Variants in PPM1K observed in about 807,000 individuals in gnomAD.
The protein encoded by PPM1K is protein phosphatase Mn(2+)-dependent 1K.
PPM1K carries 19 observed loss-of-function variants against 32.6 expected under a neutral mutation model. The ratio of observed to expected loss-of-function variants is 0.58; its 90% confidence interval spans 0.41 to 0.86. PPM1K has a LOEUF of 0.86. PPM1K is among the 40% of genes least tolerant of loss of function. PPM1K has a pLI of 0.00. For synonymous variants in PPM1K, 159 were observed against 165.3 expected (o/e 0.96, Z 0.29); for missense variants, 362 against 461.2 (o/e 0.78, Z 1.97).
chr4:88,273,958 C>T (rs1731665577), intron 3 of PPM1K, among the ~76,000 whole-genome samples: 1 of 152,166 alleles, frequency 6.6e-6, no homozygotes, highest in Non-Finnish European at 1.5e-5. Context: ...TCAGACACTG[C>T]CTCCTCAAGT....
Position 88,269,020 on chromosome 4 carries a change from T to C in PPM1K, c.542-114A>G, listed in dbSNP as rs567589899. On this transcript the variant is annotated intron_variant, in intron 3 of 6. Transcript: ENST00000608933. Reference sequence around the variant, plus strand: ...GATAAACTAATGCTGGAATATATCATTCTAATTTAACTAGAGCTAAGCAAA... The same window carrying C: ...GATAAACTAATGCTGGAATATATCACTCTAATTTAACTAGAGCTAAGCAAA... The C allele has an allele frequency of 7.1e-5, 63 of 888,236 alleles. 1 individual carries two copies. The South Asian group carries it at 1.1e-3, about 15-fold the overall frequency. The allele number at this position is 888,236 out of a possible 1,614,324, so 55.0% of individuals were successfully genotyped here.
chr4:88,275,496 G>T, intron 3 of PPM1K: 1 of 985,234 alleles, frequency 1.0e-6, no homozygotes, highest in Non-Finnish European at 1.2e-6. Flanking sequence ...GTCAATCACC[G>T]ATTGGTTTAA....
At chr4:88,263,451 TTTA>T (rs1164525187) in intron 6 of PPM1K, among the ~76,000 whole-genome samples, 1 of 152,174 alleles carries the variant, frequency 6.6e-6, no homozygotes, top group Non-Finnish European at 1.5e-5. Context: ...ATTTTATTTA[TTTA>T]TTGAGACAGG....
intron 3 of PPM1K, among the ~76,000 whole-genome samples, chr4:88,269,236 G>T (rs1178532370): frequency 1.3e-5 from 2 of 152,170 alleles, no homozygotes; most frequent in African/African-American, 2.4e-5. Context: ...TGGATATCTG[G>T]TGTCCAGACT....
rs564157074 is a variant in PPM1K, at chr4:88,282,138, G to A, written c.-60+2268C>T. Among the ~76,000 whole-genome samples the A allele has an allele frequency of 5.9e-5, 9 of 152,256 alleles. No individual in the cohort carries two copies. The South Asian group carries it at 1.9e-3, about 32-fold the overall frequency. Reference sequence around the variant, plus strand: ...TTTTTAAGTAAGCAGGGGAGATTTAGGTCAATTTTTTGATCGGAAAACATG... The same window carrying A: ...TTTTTAAGTAAGCAGGGGAGATTTAAGTCAATTTTTTGATCGGAAAACATG... On this transcript the variant is annotated intron_variant, in intron 1 of 6. Transcript: ENST00000608933.
At position 88,268,735 on chromosome 4, in the gene PPM1K, T is replaced by C. The variant is rs1459081598; in HGVS notation, c.707+6A>G. 3 of 1,612,782 alleles carry C rather than the reference T, an allele frequency of 1.9e-6. No homozygotes were observed. Among genetic ancestry groups the C allele is most frequent in the African/African-American group, 1.3e-5 (1 of 74,870 alleles). ...GAATGATATGATGGATCAGTGGTGG[T>C]AGTACCTTTCTTTTTCATCTTTTCT... On this transcript the variant is annotated splice_donor_region_variant and intron_variant, in intron 4 of 6. Coordinates refer to ENST00000608933, the MANE Select transcript of PPM1K (RefSeq NM_152542.5).
Position 88,262,398 on chromosome 4 carries a change from C to T in PPM1K, c.*197G>A, listed in dbSNP as rs2110152215. The T allele has an allele frequency of 2.0e-6, 1 of 505,744 alleles. No individual in the cohort carries two copies. The highest frequency in any genetic ancestry group is 3.4e-6 in the Non-Finnish European group (1 of 294,062). The allele number at this position is 505,744 out of a possible 1,614,324, so 31.3% of individuals were successfully genotyped here. A position where few individuals can be genotyped will look rare whatever the true frequency, so the allele number is the denominator to read the frequency against. ...TCCATTTAAAGACTCACAGTAGCTTCACTACACATATATTTATACTGAACA... is the reference window on the plus strand; with the variant it reads ...TCCATTTAAAGACTCACAGTAGCTTTACTACACATATATTTATACTGAACA... On this transcript the variant is annotated 3_prime_UTR_variant, in exon 7 of 7. Coordinates refer to ENST00000608933, the MANE Select transcript of PPM1K (RefSeq NM_152542.5).
intron 6 of PPM1K, 26 bp downstream of exon 6, chr4:88,264,975 C>G (rs776660070): frequency 6.2e-7 from 1 of 1,612,506 alleles, no homozygotes; most frequent in South Asian, 1.1e-5. Context: ...CTCCTTGGGA[C>G]TTTTCAGGCA....
chr4:88,268,817 C>T lies in PPM1K; in HGVS notation c.631G>A (p.Ala211Thr). The T allele has an allele frequency of 6.2e-7, 1 of 1,613,976 alleles. No individual in the cohort carries two copies. Among genetic ancestry groups the T allele is most frequent in the Non-Finnish European group, 8.5e-7 (1 of 1,179,936 alleles). The change falls in exon 4 of 7, where the codon GCT becomes ACT. Residue 211 changes from alanine to threonine, a missense_variant. Ala to Thr is a moderately conservative substitution (Grantham distance 58). Coordinates refer to ENST00000608933, the MANE Select transcript of PPM1K (RefSeq NM_152542.5). ...LVVASVGDSR[A>T]ILCRKGKPMK... ...GGTTTTCCTTTTCTACACAAAATAG[C>T]CCGGCTGTCCCCAACACTGGCTACA... is the stretch of plus-strand genomic sequence containing the variant.
At chr4:88,279,953 T>C (rs1731945023) in intron 1 of PPM1K, among the ~76,000 whole-genome samples, 1 of 152,170 alleles carries the variant, frequency 6.6e-6, no homozygotes, top group African/African-American at 2.4e-5. Flanking sequence ...TGAGTGCAGT[T>C]ATGAGAAAAT....
At chr4:88,282,741 G>A (rs1239363153) in intron 1 of PPM1K, among the ~76,000 whole-genome samples, 1 of 152,238 alleles carries the variant, frequency 6.6e-6, no homozygotes, top group Non-Finnish European at 1.5e-5. Context: ...CTGGAGAAAA[G>A]TGTGAAATGT....
chr4:88,268,131 G>C lies in PPM1K; in HGVS notation c.852+59C>G, dbSNP rs372650569. On this transcript the variant is annotated intron_variant, in intron 5 of 6. Coordinates refer to ENST00000608933, the MANE Select transcript of PPM1K (RefSeq NM_152542.5). ...TAAGGCTTCCAAGAAAGGTGCAGCA[G>C]AGACAATCCTACATTCACTCTCCGC... 27 of 1,562,492 alleles carry C rather than the reference G, an allele frequency of 1.7e-5. No individual in the cohort carries two copies. The African/African-American group carries it at 3.5e-4, about 20-fold the overall frequency.
Position 88,260,386 on chromosome 4 carries a change from G to A in PPM1K, c.*2209C>T, listed in dbSNP as rs929882103. 7 of 152,122 alleles carry A rather than the reference G, an allele frequency of 4.6e-5. No individual in the cohort carries two copies. The highest frequency in any genetic ancestry group is 7.3e-5 in the Non-Finnish European group (5 of 68,040). 9.4% of individuals were successfully genotyped at this position (152,122 alleles called of 1,614,324 possible). On this transcript the variant is annotated 3_prime_UTR_variant, in exon 7 of 7. Transcript: ENST00000608933. ...CATCTTCAGAATGTCATTTTTGTGC[G>A]TTAGTTTTCCTTTGCCTGTTGGTTT...
intron 1 of PPM1K, among the ~76,000 whole-genome samples, chr4:88,283,253 A>G (rs2110177700): frequency 6.6e-6 from 1 of 152,282 alleles, no homozygotes; most frequent in Non-Finnish European, 1.5e-5. Context: ...CTGGGACCAC[A>G]GGCACATGCC....
intron 6 of PPM1K, among the ~76,000 whole-genome samples, chr4:88,263,939 A>G (rs1406628369): frequency 6.6e-6 from 1 of 152,252 alleles, no homozygotes; most frequent in Non-Finnish European, 1.5e-5. Context: ...GAAAAAATAA[A>G]CATAAACTAA....
At chr4:88,262,845 G>A in intron 6 of PPM1K, 119 bp from the exon 7 acceptor site, 1 of 1,041,494 alleles carries the variant, frequency 9.6e-7, no homozygotes, top group Non-Finnish European at 1.3e-6. Context: ...CTGGTCTTAT[G>A]TGCAGTTACT....
In PPM1K at chr4:88,262,577, C is replaced by G; in HGVS notation, c.*18G>C. ...AGTGAAAAACTGTTGCACAGAAACTCTAAGTCCCAGCTGGTAATCAGGCCC... is the reference window on the plus strand; with the variant it reads ...AGTGAAAAACTGTTGCACAGAAACTGTAAGTCCCAGCTGGTAATCAGGCCC... On this transcript the variant is annotated 3_prime_UTR_variant, in exon 7 of 7. Coordinates refer to ENST00000608933, the MANE Select transcript of PPM1K (RefSeq NM_152542.5). The G allele has an allele frequency of 6.2e-7, 1 of 1,612,150 alleles. No homozygotes were observed. Among genetic ancestry groups the G allele is most frequent in the Non-Finnish European group, 8.5e-7 (1 of 1,179,170 alleles).
chr4:88,281,294 A>C (rs1425465401), intron 1 of PPM1K, among the ~76,000 whole-genome samples: 2 of 152,264 alleles, frequency 1.3e-5, no homozygotes, highest in Non-Finnish European at 2.9e-5. Context: ...TGGAATTACA[A>C]ATAAATAAAT....
chr4:88,278,223 G>GCT lies in PPM1K; in HGVS notation c.360_361insAG (p.Leu121SerfsTer41), dbSNP rs1419008258. 6.2e-7 allele frequency: 1 copy of GCT among 1,614,158 alleles called. No individual in the cohort carries two copies. Among genetic ancestry groups the GCT allele is most frequent in the Admixed American group, 1.7e-5 (1 of 60,026 alleles). ...TGTCCATCATACACTGCAAAGTACA[G>GCT]GACCTCATCTGTCAGCTGAGCGAAG... On this transcript the variant is annotated frameshift_variant, in exon 2 of 7. Transcript: ENST00000608933. LOFTEE classifies it high-confidence loss of function. The surrounding 1 kb of genome is among the most constrained non-coding windows in gnomAD (Gnocchi z 4.2).
Sources: allele counts gnomAD v4.1 joint callset (sites outside exome capture counted in the v4.1 genomes callset), GRCh38; gene constraint gnomAD v4.1.1; non-coding constraint Gnocchi (gnomAD v3.1); transcripts MANE v1.5; gene names NCBI Gene and HGNC (gene_info 2026-07-23, HGNC 2026-07-21).